The following NCEH1 variants were observed in gnomAD, a reference collection of about 807,000 sequenced individuals.
NCEH1 encodes neutral cholesterol ester hydrolase 1, also known as 2-acetyl MAGE hydrolase.
A neutral mutation model predicts 25.4 loss-of-function variants in NCEH1; 9 were observed. That is an observed-to-expected ratio of 0.35 (90% confidence interval 0.21 to 0.62). The LOEUF is 0.62. Ranked by LOEUF, NCEH1 falls within the 20% of genes least tolerant of loss-of-function variation. The pLI, the probability that NCEH1 is intolerant of heterozygous loss-of-function variation, is 0.72. For missense variants in NCEH1, 412 were observed against 501.1 expected, an observed-to-expected ratio of 0.82 and a Z score of 1.70; for synonymous variants, 200 against 199.8, an observed-to-expected ratio of 1.00 and a Z score of -0.01.
In NCEH1 at chr3:172,633,448, C is replaced by A. The variant is rs756291040; in HGVS notation, c.*27G>T. Reference sequence around the variant, plus strand: ...AGCAGGTGTAGGAGGTCAAGAGGGGCTCGAGGCTTCTGGAAGTTTTGCTCC... The same window carrying A: ...AGCAGGTGTAGGAGGTCAAGAGGGGATCGAGGCTTCTGGAAGTTTTGCTCC... On this transcript the variant is annotated 3_prime_UTR_variant, in exon 5 of 5. Coordinates refer to ENST00000475381, the MANE Select transcript of NCEH1 (RefSeq NM_020792.6). 5.0e-6 allele frequency: 8 copies of A among 1,595,190 alleles called. No individual in the cohort carries two copies. Among genetic ancestry groups the A allele is most frequent in the African/African-American group, 1.3e-5 (1 of 74,702 alleles).
chr3:172,653,999 C>T (rs931437728), intron 1 of NCEH1, among the ~76,000 whole-genome samples: 4 of 152,178 alleles, frequency 2.6e-5, no homozygotes, highest in African/African-American at 9.6e-5. Flanking sequence ...TCATGATCCT[C>T]CCGCCTTGGC....
chr3:172,659,279 C>A (rs573797424), intron 1 of NCEH1, among the ~76,000 whole-genome samples: 1 of 143,308 alleles, frequency 7.0e-6, no homozygotes, highest in African/African-American at 2.8e-5. Flanking sequence ...ATTCTTTTAT[C>A]GGGAGGCTGA....
chr3:172,641,519 A>G (rs897232777), intron 3 of NCEH1, among the ~76,000 whole-genome samples: 4 of 152,182 alleles, frequency 2.6e-5, no homozygotes, highest in Non-Finnish European at 5.9e-5. Context: ...CCCCAGTGCC[A>G]TAATCCACAT....
At chr3:172,710,564 G>A (rs1399260304) in intron 1 of NCEH1, among the ~76,000 whole-genome samples, 1 of 152,238 alleles carries the variant, frequency 6.6e-6, no homozygotes, top group Non-Finnish European at 1.5e-5. Flanking sequence ...CAAGGAAGAG[G>A]AAGATATTTA....
chr3:172,707,742 C>G (rs1397744258), intron 1 of NCEH1, among the ~76,000 whole-genome samples: 3 of 152,110 alleles, frequency 2.0e-5, no homozygotes, highest in African/African-American at 4.8e-5. Context: ...CCTGCCACCA[C>G]GCCCAGCTAA....
intron 1 of NCEH1, among the ~76,000 whole-genome samples, chr3:172,669,244 C>T (rs1718371812): frequency 6.6e-6 from 1 of 152,152 alleles, no homozygotes; most frequent in South Asian, 2.1e-4. Flanking sequence ...AACACGCCAG[C>T]TACACTAAAT....
intron 1 of NCEH1, chr3:172,680,608 G>A (rs931671261): frequency 2.8e-4 from 42 of 152,136 alleles, no homozygotes; most frequent in Admixed American, 2.5e-3. Flanking sequence ...GGGGACCCAT[G>A]AGGCATCTAC....
At chr3:172,653,302 G>A (rs1449871334) in intron 1 of NCEH1, among the ~76,000 whole-genome samples, 4 of 152,064 alleles carry the variant, frequency 2.6e-5, no homozygotes, top group African/African-American at 7.2e-5. Flanking sequence ...GGACAAACAA[G>A]AATCAAAGGA....
rs113603775 is a variant in NCEH1, at chr3:172,688,087, C to A, written c.138+22760G>T. Among the ~76,000 whole-genome samples, 964 of 152,036 alleles carry A rather than the reference C, an allele frequency of 6.3e-3. 11 individuals carry two copies. The highest frequency in any genetic ancestry group is 0.022 in the African/African-American group (909 of 41,440). ...CAGTGGCTCACGCCTGTAAACCCAGCACCTTGGGAGGCTGAGGCAGGTGGA... is the reference window on the plus strand; with the variant it reads ...CAGTGGCTCACGCCTGTAAACCCAGAACCTTGGGAGGCTGAGGCAGGTGGA... On this transcript the variant is annotated intron_variant, in intron 1 of 4. Transcript: ENST00000475381.
intron 3 of NCEH1, among the ~76,000 whole-genome samples, chr3:172,640,243 T>C (rs963742537): frequency 6.6e-6 from 1 of 152,186 alleles, no homozygotes; most frequent in Non-Finnish European, 1.5e-5. Flanking sequence ...CTTTTTTACT[T>C]TTCACCATCA....
intron 1 of NCEH1, among the ~76,000 whole-genome samples, chr3:172,706,162 T>C (rs1035579792): frequency 1.5e-4 from 23 of 151,904 alleles, no homozygotes; most frequent in African/African-American, 2.7e-4. Context: ...TGAGCTACCA[T>C]GCCTGGATTA....
chr3:172,709,358 CTG>C (rs1477988485), intron 1 of NCEH1, among the ~76,000 whole-genome samples: 1 of 152,228 alleles, frequency 6.6e-6, no homozygotes, highest in Non-Finnish European at 1.5e-5. Context: ...GTAAACATCA[CTG>C]TTCCTCAATC....
chr3:172,687,345 G>A (rs900871987), intron 1 of NCEH1, among the ~76,000 whole-genome samples: 3 of 152,100 alleles, frequency 2.0e-5, no homozygotes, highest in Non-Finnish European at 4.4e-5. Context: ...AATCACCCAT[G>A]TACTGACGGC....
chr3:172,686,060 T>G (rs1389815004), intron 1 of NCEH1, among the ~76,000 whole-genome samples: 1 of 148,518 alleles, frequency 6.7e-6, no homozygotes, highest in East Asian at 2.0e-4. Flanking sequence ...ACAATGCACG[T>G]CAGCTTTTGA....
At position 172,710,900 on chromosome 3, in the gene NCEH1, C is replaced by G; in HGVS notation, c.85G>C (p.Asp29His). ...VYIPLPGSVSDPWKLMLLDAT... is the reference protein window; with the variant it reads ...VYIPLPGSVSHPWKLMLLDAT... The stretch of plus-strand genomic sequence containing the variant: ...TCCAGCAGCATCAGCTTCCAGGGGT[C>G]GGACACGGAGCCAGGCAGCGGGATG... The change falls in exon 1 of 5, where the codon GAC becomes CAC. Residue 29 changes from aspartate to histidine, a missense_variant. Coordinates refer to ENST00000475381, the MANE Select transcript of NCEH1 (RefSeq NM_020792.6). 1 of 1,614,146 alleles carries G rather than the reference C, an allele frequency of 6.2e-7. No homozygotes were observed. The highest frequency in any genetic ancestry group is 8.5e-7 in the Non-Finnish European group (1 of 1,180,038).
intron 1 of NCEH1, among the ~76,000 whole-genome samples, chr3:172,664,127 T>C (rs1187379992): frequency 1.4e-4 from 21 of 152,248 alleles, no homozygotes; most frequent in Admixed American, 1.4e-3. Flanking sequence ...TAGTGCTTCC[T>C]TCAGGAGCTC....
intron 1 of NCEH1, among the ~76,000 whole-genome samples, chr3:172,696,348 A>G (rs551054034): frequency 6.6e-5 from 10 of 152,362 alleles, no homozygotes; most frequent in Admixed American, 6.5e-4. Context: ...CAGATTGGCA[A>G]GAATAATGGT....
chr3:172,640,992 A>G (rs1560179763), intron 3 of NCEH1, among the ~76,000 whole-genome samples: 1 of 152,150 alleles, frequency 6.6e-6, no homozygotes, highest in Admixed American at 6.5e-5. Flanking sequence ...CATTAAAAGA[A>G]CATATAATAA....
chr3:172,689,319 C>A (rs560326331), intron 1 of NCEH1, among the ~76,000 whole-genome samples: 1 of 129,002 alleles, frequency 7.8e-6, no homozygotes, highest in African/African-American at 3.1e-5. Context: ...ACTGCAATGG[C>A]GTGATCTCAG....
Sources: allele counts gnomAD v4.1 joint callset (sites outside exome capture counted in the v4.1 genomes callset), GRCh38; gene constraint gnomAD v4.1.1; transcripts MANE v1.5; gene names NCBI Gene and HGNC (gene_info 2026-07-23, HGNC 2026-07-21).